The following SIGLEC12 variants were observed in gnomAD, a reference collection of about 807,000 sequenced individuals.
The protein encoded by SIGLEC12 is sialic acid-binding Ig-like lectin 12.
SIGLEC12 carries 43 observed loss-of-function variants against 54.1 expected under a neutral mutation model. The ratio of observed to expected loss-of-function variants is 0.80; its 90% CI spans 0.62 to 1.03. SIGLEC12 has a LOEUF of 1.03. Ranked by LOEUF, SIGLEC12 falls within the 50% of genes least tolerant of loss-of-function variation. The pLI, the probability that SIGLEC12 is intolerant of heterozygous loss-of-function variation, is 0.00. For missense variants in SIGLEC12, 802 were observed against 735.2 expected (o/e 1.09, Z -1.05); for synonymous variants, 357 against 307.6 (o/e 1.16, Z -1.68).
At chr19:51,496,142 A>G (rs529833164) in intron 7 of SIGLEC12, among the ~76,000 whole-genome samples, 1 of 152,334 alleles carries the variant, frequency 6.6e-6, no homozygotes, top group Admixed American at 6.5e-5. Flanking sequence ...TACAATTTTA[A>G]CACAATATTT....
At chr19:51,499,847 G>C in intron 2 of SIGLEC12, 73 bp downstream of exon 2, 1 of 1,549,012 alleles carries the variant, frequency 6.5e-7, no homozygotes, top group Non-Finnish European at 8.7e-7. Flanking sequence ...TCCCAGGATG[G>C]GGGTCCCACC....
Position 51,491,427 on chromosome 19 carries a change from G to A in SIGLEC12, c.*214C>T, listed in dbSNP as rs1219887322. The A allele has an allele frequency of 3.6e-6, 2 of 548,574 alleles. No homozygotes were observed. Among genetic ancestry groups the A allele is most frequent in the African/African-American group, 1.9e-5 (1 of 51,922 alleles). 34.0% of individuals were successfully genotyped at this position (548,574 alleles called of 1,614,324 possible). On this transcript the variant is annotated 3_prime_UTR_variant, in exon 8 of 8. Transcript: ENST00000291707. Reference sequence around the variant, plus strand: ...TCAGAGAAGTAGAGAAGAGAATGGTGGGTACCAGAGGCCGGGGGCGGGGAG... The same window carrying A: ...TCAGAGAAGTAGAGAAGAGAATGGTAGGTACCAGAGGCCGGGGGCGGGGAG...
chr19:51,500,305 G>A lies in SIGLEC12; in HGVS notation c.428-5C>T. On this transcript the variant is annotated splice_polypyrimidine_tract_variant and splice_region_variant and intron_variant, in intron 1 of 7. Coordinates refer to ENST00000291707, the MANE Select transcript of SIGLEC12 (RefSeq NM_053003.4). ...TTGACAGTAGGTCCTGGGACGCTGT[G>A]GAGAAACGAGGGTCAGCCCAGCCCC... 1 of 1,614,138 alleles carries A rather than the reference G, an allele frequency of 6.2e-7. No homozygotes were observed. The highest frequency in any genetic ancestry group is 8.5e-7 in the Non-Finnish European group (1 of 1,180,022).
chr19:51,499,058 G>A (rs369987765), intron 4 of SIGLEC12, 112 bp downstream of exon 4: 2 of 1,097,202 alleles, frequency 1.8e-6, no homozygotes, highest in Middle Eastern at 2.4e-4. Context: ...CTGAGGGAGG[G>A]GGGGGCCGGG....
At chr19:51,495,926 G>A (rs899935753) in intron 7 of SIGLEC12, among the ~76,000 whole-genome samples, 36 of 152,180 alleles carry the variant, frequency 2.4e-4, no homozygotes, top group Admixed American at 6.5e-5. Flanking sequence ...GGAGAAAAAA[G>A]CATCTGAGGA....
In SIGLEC12 at chr19:51,501,675, TCCTTAGCCC is replaced by T. The variant is rs772674474; in HGVS notation, c.50_58del (p.Gly17_Lys19del). 1 of 1,614,016 alleles carries T rather than the reference TCCTTAGCCC, an allele frequency of 6.2e-7. No individual in the cohort carries two copies. The highest frequency in any genetic ancestry group is 8.5e-7 in the Non-Finnish European group (1 of 1,179,930). ...CATTGTCAGCAGGTAATCCTTCTGT[TCCTTAGCCC>T]CCACTCTCCCACAGAGCAGGGGTGG... On this transcript the variant is annotated inframe_deletion, in exon 1 of 8. Transcript: ENST00000291707.
Position 51,497,357 on chromosome 19 carries a change from G to A in SIGLEC12, c.1494C>T (p.Ile498=). Residue 498 remains isoleucine, a synonymous_variant, in exon 6 of 8, where the codon ATC becomes ATT. Transcript: ENST00000291707. ...CCAGGGTCAATGCTCACACAACGAAGATGATGCAGAAGTACAGGAAGACCA... is the reference window on the plus strand; with the variant it reads ...CCAGGGTCAATGCTCACACAACGAAAATGATGCAGAAGTACAGGAAGACCA... ...TALVFLYFCI[I]FVVVRSCRKK... The A allele has an allele frequency of 6.2e-7, 1 of 1,613,120 alleles. No individual in the cohort carries two copies. The highest frequency in any genetic ancestry group is 1.3e-5 in the African/African-American group (1 of 75,012).
intron 1 of SIGLEC12, 117 bp from the exon 2 acceptor site, chr19:51,500,417 G>C (rs1480062525): frequency 2.5e-6 from 4 of 1,577,258 alleles, no homozygotes; most frequent in African/African-American, 2.7e-5. Context: ...GAGCAGAGAA[G>C]GGGGAGGGAG....
chr19:51,495,312 G>GAT (rs1232110064), intron 7 of SIGLEC12, among the ~76,000 whole-genome samples: 2 of 111,748 alleles, frequency 1.8e-5, no homozygotes, highest in East Asian at 2.6e-4. Context: ...CGGACGGGTG[G>GAT]GTGGATGGAT....
intron 7 of SIGLEC12, among the ~76,000 whole-genome samples, chr19:51,495,206 CGGGT>C (rs1307383694): frequency 1.1e-4 from 4 of 36,476 alleles, no homozygotes; most frequent in Non-Finnish European, 2.2e-4. Context: ...GATGGACGGA[CGGGT>C]GGGTGGGTGG....
Position 51,500,113 on chromosome 19 carries a change from T to C in SIGLEC12, c.615A>G (p.Thr205=), listed in dbSNP as rs1008721421. The change falls in exon 2 of 8, where the codon ACA becomes ACG. Residue 205 remains threonine (T), a synonymous_variant. Coordinates refer to ENST00000291707, the MANE Select transcript of SIGLEC12 (RefSeq NM_053003.4). ...ADIPWDIPVA[T]NTPSGKVQED... is the part of the protein sequence containing the mutation. ...CTTGCACTTTTCCACTTGGGGTGTT[T>C]GTGGCCACTGGAATATCCCATGGTA... 6.2e-7 allele frequency: 1 copy of C among 1,614,168 alleles called. No homozygotes were observed.
intron 2 of SIGLEC12, 25 bp downstream of exon 2, chr19:51,499,895 G>A (rs754357350): frequency 3.2e-6 from 5 of 1,586,688 alleles, no homozygotes; most frequent in Admixed American, 3.4e-5. Context: ...TTCCCCTCTG[G>A]CTGGTCCTAG....
Position 51,499,927 on chromosome 19 carries a change from A to G in SIGLEC12, c.801T>C (p.His267=). ...WNYIYDKLSV[H]VTALTHMPTF... ...CTAGAGCCAGAGATTTACCTGTCAC[A>G]TGCACAGAGAGCTTGTCATATATGT... Residue 267 remains histidine, a synonymous_variant, in exon 2 of 8, where the codon CAT becomes CAC. Transcript: ENST00000291707. The G allele has an allele frequency of 6.2e-7, 1 of 1,609,350 alleles. No homozygotes were observed. Among genetic ancestry groups the G allele is most frequent in the Non-Finnish European group, 8.5e-7 (1 of 1,177,230 alleles).
chr19:51,494,084 C>G (rs1000760331), intron 7 of SIGLEC12, among the ~76,000 whole-genome samples: 3 of 152,168 alleles, frequency 2.0e-5, no homozygotes, highest in African/African-American at 7.2e-5. Flanking sequence ...CTGTTCTTCC[C>G]TCTGTCTGGA....
At chr19:51,497,301 C>T (rs368844211) in intron 6 of SIGLEC12, 48 bp downstream of exon 6, 1 of 1,547,716 alleles carries the variant, frequency 6.5e-7, no homozygotes. Flanking sequence ...GATTTTGTTC[C>T]CAGCCTGCCC....
intron 5 of SIGLEC12, 120 bp from the exon 6 acceptor site, chr19:51,497,565 C>G (rs572563758): frequency 1.2e-4 from 81 of 679,662 alleles, no homozygotes; most frequent in Non-Finnish European, 1.6e-4. Context: ...ACAGAAAGAA[C>G]AAGGACGGAA....
At chr19:51,500,457 G>T in intron 1 of SIGLEC12, 157 bp from the exon 2 acceptor site, 1 of 1,359,034 alleles carries the variant, frequency 7.4e-7, no homozygotes. Flanking sequence ...GACCCACAGG[G>T]GGCTGGAGAG....
In SIGLEC12 at chr19:51,498,165, G is replaced by A. The variant is rs766980381; in HGVS notation, c.1258C>T (p.Leu420=). ...RLSWTWGSLT[L]SPSQSSNLGV... ...AGGTTCGAGGACTGTGAGGGGCTCA[G>A]GGTCAGGCTCCCCCAGGTCCAGCTC... is the stretch of plus-strand genomic sequence containing the variant. The change falls in exon 5 of 8, where the codon CTG becomes TTG. Residue 420 remains leucine (L), a synonymous_variant. Coordinates refer to ENST00000291707, the MANE Select transcript of SIGLEC12 (RefSeq NM_053003.4). 1.9e-6 allele frequency: 3 copies of A among 1,614,126 alleles called. No homozygotes were observed. The African/African-American group carries it at 4.0e-5, about 22-fold the overall frequency.
intron 7 of SIGLEC12, among the ~76,000 whole-genome samples, chr19:51,496,558 A>G (rs1269900151): frequency 6.6e-6 from 1 of 152,226 alleles, no homozygotes; most frequent in East Asian, 1.9e-4. Context: ...CTGCTGAGCC[A>G]AATGGAACTT....
Sources: allele counts gnomAD v4.1 joint callset (sites outside exome capture counted in the v4.1 genomes callset), GRCh38; gene constraint gnomAD v4.1.1; transcripts MANE v1.5; gene names NCBI Gene and HGNC (gene_info 2026-07-23, HGNC 2026-07-21).